Variants in SORCS3 observed in about 807,000 individuals in gnomAD.
SORCS3 encodes the protein VPS10 domain-containing receptor SorCS3.
Under a neutral mutation model 146.3 loss-of-function variants are expected in SORCS3, and 57 were observed. The observed-to-expected ratio is 0.39, with a 90% CI of 0.31 to 0.49. The LOEUF (loss-of-function observed/expected upper bound fraction) is 0.49, where lower values mean the gene tolerates loss of function less well. Ranked by LOEUF, SORCS3 falls within the 20% of genes least tolerant of loss-of-function variation. The probability of loss-of-function intolerance (pLI) is 0.92; values close to 1 mark genes in which losing one functional copy is unlikely to be tolerated. For synonymous variants in SORCS3, 653 were observed against 618.5 expected (o/e 1.06, Z -0.83); for missense variants, 1,341 against 1,575.5 (o/e 0.85, Z 2.52).
intron 9 of SORCS3, among the ~76,000 whole-genome samples, chr10:105,149,703 C>T (rs1270645695): frequency 1.3e-5 from 2 of 152,086 alleles, no homozygotes; most frequent in South Asian, 2.1e-4. Context: ...CTGCAGATGA[C>T]CTTGCAGTCA....
At chr10:105,143,203 A>G (rs2056107386) in intron 8 of SORCS3, among the ~76,000 whole-genome samples, 1 of 152,166 alleles carries the variant, frequency 6.6e-6, no homozygotes, top group African/African-American at 2.4e-5. Context: ...AACATTTGAT[A>G]CTGATGAAAA....
intron 1 of SORCS3, among the ~76,000 whole-genome samples, chr10:104,840,379 C>T (rs1442198777): frequency 6.6e-6 from 1 of 152,150 alleles, no homozygotes; most frequent in Non-Finnish European, 1.5e-5. Context: ...GGAATCCTTC[C>T]CTGACCTCTA....
chr10:105,256,537 T>C (rs1056010582), intron 24 of SORCS3, among the ~76,000 whole-genome samples: 2 of 152,192 alleles, frequency 1.3e-5, no homozygotes, highest in African/African-American at 2.4e-5. Context: ...GGAGCCCTTA[T>C]TCCACTCCCC....
intron 6 of SORCS3, among the ~76,000 whole-genome samples, chr10:105,092,791 C>T (rs1350715748): frequency 6.6e-6 from 1 of 151,992 alleles, no homozygotes; most frequent in Non-Finnish European, 1.5e-5. Flanking sequence ...CAAGTTAGAA[C>T]AAAAACCTCC....
At chr10:105,180,251 G>A (rs2056435045) in intron 14 of SORCS3, among the ~76,000 whole-genome samples, 2 of 152,164 alleles carry the variant, frequency 1.3e-5, no homozygotes, top group South Asian at 4.1e-4. Context: ...ACACACAGTA[G>A]GTGACAACTG....
In SORCS3 at chr10:105,245,401, A is replaced by G. The variant is rs139031490; in HGVS notation, c.2869-141A>G. ...TCCTAGATACTGGAAGAATAATCAC[A>G]GTTTTAAGAAACGGTATAACGTTTG... On this transcript the variant is annotated intron_variant, in intron 20 of 26. Transcript: ENST00000369701. 2.3e-3 allele frequency: 2,147 copies of G among 940,000 alleles called. 2 individuals are homozygous for G. Among genetic ancestry groups the G allele is most frequent in the Middle Eastern group, 0.013 (39 of 2,960 alleles). The allele number at this position is 940,000 out of a possible 1,614,324, so 58.2% of individuals were successfully genotyped here.
chr10:104,690,847 C>T (rs2016103124), intron 1 of SORCS3, among the ~76,000 whole-genome samples: 2 of 152,128 alleles, frequency 1.3e-5, no homozygotes, highest in Admixed American at 1.3e-4. Context: ...CTCAATGCTT[C>T]CTTTATGGAA....
chr10:104,673,015 C>T (rs988682612), intron 1 of SORCS3, among the ~76,000 whole-genome samples: 11 of 152,084 alleles, frequency 7.2e-5, no homozygotes, highest in Admixed American at 6.6e-4. Flanking sequence ...TTCTTTGTCT[C>T]TTGTTTGCAA....
intron 4 of SORCS3, among the ~76,000 whole-genome samples, chr10:105,028,605 A>G (rs1377045917): frequency 6.6e-6 from 1 of 151,932 alleles, no homozygotes; most frequent in East Asian, 1.9e-4. Flanking sequence ...TCCAACTTCA[A>G]CCCTTAGTCT....
At chr10:105,226,963 C>A (rs572063427) in intron 20 of SORCS3, among the ~76,000 whole-genome samples, 5 of 151,834 alleles carry the variant, frequency 3.3e-5, no homozygotes, top group Admixed American at 2.6e-4. Context: ...GTTAGTCCAG[C>A]AAGTGGTTTG....
At chr10:105,141,143 C>T (rs1484651813) in intron 8 of SORCS3, among the ~76,000 whole-genome samples, 2 of 152,184 alleles carry the variant, frequency 1.3e-5, no homozygotes, top group Admixed American at 1.3e-4. Flanking sequence ...ACCATTCACT[C>T]CCCTGGACAG....
At chr10:105,070,611 G>A (rs1233917684) in intron 5 of SORCS3, among the ~76,000 whole-genome samples, 1 of 152,144 alleles carries the variant, frequency 6.6e-6, no homozygotes, top group South Asian at 2.1e-4. Flanking sequence ...TGGAAGAGAG[G>A]GAGTTCATAT....
rs1407857794 is a variant in SORCS3 at position 105,019,238 on chromosome 10, A to T, written c.955-23817A>T. Among the ~76,000 whole-genome samples, 3 of 152,312 alleles carry T rather than the reference A, an allele frequency of 2.0e-5. No individual in the cohort carries two copies. The East Asian group carries it at 5.8e-4, about 29-fold the overall frequency. On this transcript the variant is annotated intron_variant, in intron 4 of 26. Transcript: ENST00000369701. ...CTACTCTTTGTTCATTTTACAGATG[A>T]AAAAACTGAAGGGAGAATATGACCA...
In SORCS3 at chr10:104,692,976, A is replaced by G. The variant is rs886327753; in HGVS notation, c.627+51022A>G. Among the ~76,000 whole-genome samples the G allele has an allele frequency of 2.0e-5, 3 of 152,166 alleles. No homozygotes were observed. The East Asian group carries it at 5.8e-4, about 29-fold the overall frequency. Reference sequence around the variant, plus strand: ...AATCTGCATTTTTAACAAGCTACCCATTTACTTTTGATGGGAGTCCGTTGG... The same window carrying G: ...AATCTGCATTTTTAACAAGCTACCCGTTTACTTTTGATGGGAGTCCGTTGG... On this transcript the variant is annotated intron_variant, in intron 1 of 26. Coordinates refer to ENST00000369701, the MANE Select transcript of SORCS3 (RefSeq NM_014978.3).
intron 3 of SORCS3, among the ~76,000 whole-genome samples, chr10:104,934,424 A>G (rs534892944): frequency 1.4e-4 from 22 of 152,226 alleles, no homozygotes; most frequent in Non-Finnish European, 2.4e-4. Context: ...TTTGGTGTTT[A>G]AAGAGCAGGG....
In SORCS3 at chr10:105,217,091, A is replaced by G; in HGVS notation, c.2703A>G (p.Ser901=). The change falls in exon 19 of 27, where the codon TCA becomes TCG. Residue 901 remains serine, a synonymous_variant. Coordinates refer to ENST00000369701, the MANE Select transcript of SORCS3 (RefSeq NM_014978.3). ...CCTATGCAGAGAACAACCTTGGCTC[A>G]GACACAGCTGTCCTCTTCCTGCATG... ...VTAYAENNLG[S]DTAVLFLHVV... The G allele has an allele frequency of 6.2e-7, 1 of 1,614,174 alleles. No individual in the cohort carries two copies. Among genetic ancestry groups the G allele is most frequent in the Non-Finnish European group, 8.5e-7 (1 of 1,180,026 alleles).
intron 2 of SORCS3, among the ~76,000 whole-genome samples, chr10:104,863,540 C>T (rs1383556515): frequency 6.6e-6 from 1 of 152,200 alleles, no homozygotes. Flanking sequence ...CTGTGCATGG[C>T]TTCTTGAGGT....
intron 4 of SORCS3, among the ~76,000 whole-genome samples, chr10:105,007,909 G>T (rs2055107369): frequency 6.6e-6 from 1 of 152,112 alleles, no homozygotes; most frequent in Non-Finnish European, 1.5e-5. Flanking sequence ...TCTTTCCTGG[G>T]AAGAAGTCCC....
intron 2 of SORCS3, among the ~76,000 whole-genome samples, chr10:104,871,999 ACTC>A (rs2018523574): frequency 6.6e-6 from 1 of 152,058 alleles, no homozygotes; most frequent in African/African-American, 2.4e-5. Context: ...CCCTGAGACT[ACTC>A]TGCTCACACT....
Sources: gnomAD v4.1 joint callset for allele counts (sites outside exome capture counted in the v4.1 genomes callset) on GRCh38, gnomAD v4.1.1 for gene constraint, MANE v1.5 for transcripts, NCBI Gene and HGNC (gene_info 2026-07-23, HGNC 2026-07-21) for gene names.